Variants in PCDH15 observed in about 807,000 individuals in gnomAD.
The protein encoded by PCDH15 is protocadherin-15.
A neutral mutation model predicts 178.5 loss-of-function variants in PCDH15; 129 were observed. That is an observed-to-expected ratio of 0.72 (90% CI 0.63 to 0.84). The LOEUF (loss-of-function observed/expected upper bound fraction) is 0.84, where lower values mean the gene tolerates loss of function less well. Among genes scored for constraint, PCDH15 ranks in the 40% least tolerant of loss-of-function variants. The probability of loss-of-function intolerance (pLI) is 0.00; values close to 1 mark genes in which losing one functional copy is unlikely to be tolerated. For synonymous variants in PCDH15, 800 were observed against 732.0 expected, an observed-to-expected ratio of 1.09 and a Z score of -1.50; for missense variants, 2,230 against 2,099.9, an observed-to-expected ratio of 1.06 and a Z score of -1.21.
chr10:54,294,595 G>A (rs1433716232), intron 8 of PCDH15, among the ~76,000 whole-genome samples: 1 of 152,130 alleles, frequency 6.6e-6, no homozygotes, highest in Non-Finnish European at 1.5e-5. Context: ...AAGTCACCCT[G>A]TATAATTCAT....
chr10:54,666,609 G>T (rs1338042852), intron 1 of PCDH15, among the ~76,000 whole-genome samples: 2 of 151,396 alleles, frequency 1.3e-5, no homozygotes, highest in Non-Finnish European at 2.9e-5. Context: ...ATGACATTAA[G>T]AAATAAAACA....
chr10:54,450,781 C>A (rs955382869), intron 3 of PCDH15, among the ~76,000 whole-genome samples: 1 of 151,634 alleles, frequency 6.6e-6, no homozygotes, highest in African/African-American at 2.4e-5. Flanking sequence ...AACAGATTAC[C>A]CACATATTTA....
intron 21 of PCDH15, among the ~76,000 whole-genome samples, chr10:53,973,486 C>T (rs573847776): frequency 3.3e-5 from 5 of 152,176 alleles, no homozygotes; most frequent in African/African-American, 4.8e-5. Context: ...AATTGCGTTA[C>T]TACGGCGATA....
chr10:55,235,461 A>G (rs1459160307), intron 1 of PCDH15, among the ~76,000 whole-genome samples: 2 of 152,172 alleles, frequency 1.3e-5, no homozygotes, highest in Non-Finnish European at 2.9e-5. Context: ...CTTAAAGTCC[A>G]TACATTCTTC....
rs144634872 is a variant in PCDH15 at position 54,819,796 on chromosome 10, T to G, written c.-29+77654A>C. ...TTTGGAAAGTGGTAAGTTCAATACA[T>G]TTTTAAGCACTTGTGAGTAGATCAT... On this transcript the variant is annotated intron_variant, in intron 3 of 5. Coordinates refer to the PCDH15 transcript ENST00000458638. Among the ~76,000 whole-genome samples the G allele has an allele frequency of 1.2e-3, 189 of 152,160 alleles. 2 individuals are homozygous for G. The East Asian group carries it at 0.031, about 25-fold the overall frequency.
intron 8 of PCDH15, 35 bp downstream of exon 8, chr10:54,317,236 T>C (rs755902987): frequency 1.2e-6 from 2 of 1,600,888 alleles, no homozygotes; most frequent in South Asian, 2.2e-5. Context: ...TTTTAAAACA[T>C]GCAAATAAAT....
intron 2 of PCDH15, among the ~76,000 whole-genome samples, chr10:54,589,008 G>A (rs975374353): frequency 8.5e-5 from 13 of 152,056 alleles, no homozygotes; most frequent in African/African-American, 3.1e-4. Context: ...TGTCTGTCTT[G>A]TTCTCTGTTA....
chr10:53,882,518 C>G (rs536000757), intron 26 of PCDH15, among the ~76,000 whole-genome samples: 1 of 152,260 alleles, frequency 6.6e-6, no homozygotes, highest in East Asian at 1.9e-4. Context: ...CGCGCCACCA[C>G]GCATGGCTAA....
chr10:54,822,963 C>A (rs925288116), intron 3 of PCDH15, among the ~76,000 whole-genome samples: 13 of 151,884 alleles, frequency 8.6e-5, no homozygotes, highest in African/African-American at 3.1e-4. Context: ...CTCACTGCAA[C>A]CTCTGCCTCC....
chr10:53,929,136 C>T (rs988863817), intron 25 of PCDH15, among the ~76,000 whole-genome samples: 11 of 151,856 alleles, frequency 7.2e-5, no homozygotes, highest in African/African-American at 2.2e-4. Context: ...GTTCAGCAAA[C>T]CAATTTGGGA....
At chr10:54,133,095 A>G (rs965725909) in intron 14 of PCDH15, 88 bp from the exon 15 acceptor site, 2 of 1,572,868 alleles carry the variant, frequency 1.3e-6, no homozygotes, top group South Asian at 2.3e-5. Context: ...TGTTGGGTTT[A>G]CAGGAGAAAA....
At chr10:54,678,357 T>C (rs2094830967) in intron 1 of PCDH15, among the ~76,000 whole-genome samples, 2 of 152,178 alleles carry the variant, frequency 1.3e-5, no homozygotes, top group South Asian at 4.1e-4. Context: ...GTTAAAGTCA[T>C]TTGGATGACA....
chr10:54,881,504 T>G (rs903055466), intron 3 of PCDH15, among the ~76,000 whole-genome samples: 3 of 152,120 alleles, frequency 2.0e-5, no homozygotes, highest in African/African-American at 7.2e-5. Context: ...AGCATGAAGT[T>G]CCTCACTCAT....
At chr10:54,491,377 C>T (rs2079575486) in intron 3 of PCDH15, among the ~76,000 whole-genome samples, 1 of 147,210 alleles carries the variant, frequency 6.8e-6, no homozygotes, top group Non-Finnish European at 1.5e-5. Context: ...ATCAAATTCA[C>T]ACAGTTAACA....
At position 54,383,627 on chromosome 10, in the gene PCDH15, T is replaced by TGTGTGTGTGTG. The variant is rs1589141516; in HGVS notation, c.158-4686_158-4685insCACACACACAC. ...AGCATACCATGCCGTGTATGTGTGTTTTTGTGTGTGTGTGTGTGTGTGTGT... is the reference window on the plus strand; with the variant it reads ...AGCATACCATGCCGTGTATGTGTGTTGTGTGTGTGTGTTTGTGTGTGTGTGTGTGTGTGTGT... On this transcript the variant is annotated intron_variant, in intron 3 of 37. Transcript: ENST00000644397. Among the ~76,000 whole-genome samples, 87 of 104,800 alleles carry TGTGTGTGTGTG rather than the reference T, an allele frequency of 8.3e-4. 2 individuals carry two copies. The highest frequency in any genetic ancestry group is 4.1e-3 in the East Asian group (6 of 1,472). The allele number at this position is 104,800 out of a possible 152,430, so 68.8% of individuals were successfully genotyped here.
intron 8 of PCDH15, among the ~76,000 whole-genome samples, chr10:54,309,603 G>A (rs1784135540): frequency 6.6e-6 from 1 of 151,992 alleles, no homozygotes; most frequent in Non-Finnish European, 1.5e-5. Context: ...AGATCAGCCT[G>A]ACCAACATGG....
chr10:54,359,103 G>A (rs1285571429), intron 5 of PCDH15, among the ~76,000 whole-genome samples: 3 of 151,444 alleles, frequency 2.0e-5, no homozygotes, highest in Non-Finnish European at 2.9e-5. Context: ...TGGCACATGT[G>A]TACATATGTA....
At chr10:54,520,828 T>C (rs1044580052) in intron 3 of PCDH15, among the ~76,000 whole-genome samples, 5 of 150,596 alleles carry the variant, frequency 3.3e-5, no homozygotes, top group Non-Finnish European at 5.9e-5. Flanking sequence ...TGTCCAACAA[T>C]GATAGACTGG....
intron 1 of PCDH15, among the ~76,000 whole-genome samples, chr10:55,268,930 T>A (rs1299138520): frequency 6.6e-6 from 1 of 152,162 alleles, no homozygotes; most frequent in Non-Finnish European, 1.5e-5. Context: ...AAAAACTTAA[T>A]ACACCATGAT....
Sources: gnomAD v4.1 joint callset for allele counts (sites outside exome capture counted in the v4.1 genomes callset) on GRCh38, gnomAD v4.1.1 for gene constraint, MANE v1.5 for transcripts, NCBI Gene and HGNC (gene_info 2026-07-23, HGNC 2026-07-21) for gene names.